Variants in DLGAP2 observed in about 807,000 individuals in gnomAD.
DLGAP2 encodes DLG associated protein 2.
Under a neutral mutation model 100.3 loss-of-function variants are expected in DLGAP2, and 26 were observed. That is an observed-to-expected ratio of 0.26 (90% confidence interval 0.19 to 0.36). The LOEUF (loss-of-function observed/expected upper bound fraction) is 0.36. Ranked by LOEUF, DLGAP2 falls within the 10% of genes least tolerant of loss-of-function variation. The pLI is 1.00. For synonymous variants in DLGAP2, 886 were observed against 630.1 expected, an observed-to-expected ratio of 1.41 and a Z score of -6.08; for missense variants, 1,858 against 1,453.2, an observed-to-expected ratio of 1.28 and a Z score of -4.53.
Position 1,554,837 on chromosome 8 carries a change from C to T in DLGAP2, c.1230+5154C>T, listed in dbSNP as rs991667971. ...CAGTTCAGGAAGGCTGGCGTTGTGG[C>T]TTATGGGGTGCTTTCAACTCCAGAA... On this transcript the variant is annotated intron_variant, in intron 5 of 14. Coordinates refer to ENST00000637795, the MANE Select transcript of DLGAP2 (RefSeq NM_001346810.2). 6.9e-5 allele frequency among the ~76,000 whole-genome samples: 10 copies of T among 144,466 alleles called. 1 individual carries two copies. Among genetic ancestry groups the T allele is most frequent in the Admixed American group, 6.2e-4 (9 of 14,622 alleles). 94.8% of individuals were successfully genotyped at this position (144,466 alleles called of 152,430 possible).
intron 2 of DLGAP2, among the ~76,000 whole-genome samples, chr8:1,242,666 A>G (rs1488631231): frequency 2.6e-5 from 4 of 152,208 alleles, no homozygotes; most frequent in Non-Finnish European, 5.9e-5. Flanking sequence ...CCTGATTAAC[A>G]TGCCCTCTCC....
chr8:1,450,351 C>T (rs1314916568), intron 3 of DLGAP2, among the ~76,000 whole-genome samples: 1 of 84,154 alleles, frequency 1.2e-5, no homozygotes. Context: ...AGGTGGGCGA[C>T]CTCGGTGGCT....
At chr8:865,627 T>G (rs186091115) in intron 1 of DLGAP2, among the ~76,000 whole-genome samples, 31 of 152,340 alleles carry the variant, frequency 2.0e-4, no homozygotes, top group Non-Finnish European at 7.3e-5. Context: ...TGGCATTTAC[T>G]GTTAGGAAAG....
chr8:922,653 G>A (rs1387077503), intron 2 of DLGAP2, among the ~76,000 whole-genome samples: 1 of 152,180 alleles, frequency 6.6e-6, no homozygotes, highest in East Asian at 1.9e-4. Flanking sequence ...ATATCTAATA[G>A]AAATAGTTTT....
chr8:993,961 G>C (rs1208453188), intron 2 of DLGAP2, among the ~76,000 whole-genome samples: 1 of 151,958 alleles, frequency 6.6e-6, no homozygotes, highest in Non-Finnish European at 1.5e-5. Flanking sequence ...TGTAATTGTG[G>C]AGTAGACTTA....
At chr8:926,214 C>T (rs1372325998) in intron 2 of DLGAP2, among the ~76,000 whole-genome samples, 1 of 152,206 alleles carries the variant, frequency 6.6e-6, no homozygotes, top group African/African-American at 2.4e-5. Context: ...ACCACTCCCT[C>T]CGTGGGCTCT....
At chr8:1,471,582 C>G (rs1798794236) in intron 3 of DLGAP2, among the ~76,000 whole-genome samples, 2 of 151,140 alleles carry the variant, frequency 1.3e-5, no homozygotes, top group Admixed American at 1.3e-4. Flanking sequence ...TCCCCAGCCT[C>G]CCTCCTAACC....
chr8:1,116,822 A>G (rs1805132537), intron 2 of DLGAP2, among the ~76,000 whole-genome samples: 1 of 152,140 alleles, frequency 6.6e-6, no homozygotes, highest in Non-Finnish European at 1.5e-5. Context: ...AAAAAAAAAG[A>G]GAATATTCAT....
chr8:781,719 A>C (rs779714001), intron 1 of DLGAP2, among the ~76,000 whole-genome samples: 4 of 152,234 alleles, frequency 2.6e-5, no homozygotes, highest in Non-Finnish European at 5.9e-5. Context: ...TTAGAGTCAC[A>C]CAAAGCACAT....
chr8:1,411,041 A>G (rs1796716621), intron 3 of DLGAP2, among the ~76,000 whole-genome samples: 1 of 152,170 alleles, frequency 6.6e-6, no homozygotes, highest in Non-Finnish European at 1.5e-5. Context: ...GTTTCAGTGC[A>G]TAAAAGGTGA....
At chr8:1,123,983 G>C (rs1173022865) in intron 2 of DLGAP2, among the ~76,000 whole-genome samples, 1 of 151,886 alleles carries the variant, frequency 6.6e-6, no homozygotes. Context: ...TCTTTTCCTT[G>C]CCTGTTTTTG....
intron 1 of DLGAP2, among the ~76,000 whole-genome samples, chr8:841,090 T>G (rs1205673173): frequency 6.6e-6 from 1 of 152,214 alleles, no homozygotes; most frequent in Non-Finnish European, 1.5e-5. Flanking sequence ...AAATTGAACT[T>G]GTTTCTATAA....
chr8:769,594 A>T (rs1821304143), intron 1 of DLGAP2, among the ~76,000 whole-genome samples: 1 of 152,184 alleles, frequency 6.6e-6, no homozygotes, highest in Admixed American at 6.5e-5. Flanking sequence ...TTATTGATTC[A>T]AAATTTTGAT....
chr8:830,357 T>A (rs902538184), intron 1 of DLGAP2, among the ~76,000 whole-genome samples: 1 of 152,212 alleles, frequency 6.6e-6, no homozygotes, highest in Admixed American at 6.5e-5. Context: ...ATTATTAAAC[T>A]ATAGTCACTC....
intron 1 of DLGAP2, among the ~76,000 whole-genome samples, chr8:757,482 G>A (rs974349041): frequency 3.9e-5 from 6 of 152,144 alleles, no homozygotes; most frequent in African/African-American, 1.4e-4. Context: ...GACACCCGTA[G>A]GCACTGGGCT....
chr8:1,496,611 C>T (rs1799553168), intron 3 of DLGAP2, among the ~76,000 whole-genome samples: 1 of 152,148 alleles, frequency 6.6e-6, no homozygotes, highest in South Asian at 2.1e-4. Context: ...TCACGGCGCC[C>T]TATGTTTGAT....
intron 2 of DLGAP2, among the ~76,000 whole-genome samples, chr8:1,227,217 ATAT>A (rs989072770): frequency 1.5e-5 from 2 of 129,938 alleles, no homozygotes; most frequent in African/African-American, 7.5e-5. Context: ...AGTGTTATAT[ATAT>A]ATTTGTTTTA....
intron 1 of DLGAP2, among the ~76,000 whole-genome samples, chr8:831,207 C>CTT (rs59545503): frequency 2.4e-5 from 3 of 127,628 alleles, no homozygotes; most frequent in Non-Finnish European, 3.3e-5. Context: ...CCAGCAGTCA[C>CTT]TTTTTTTTTT....
At chr8:1,290,263 G>A (rs930562833) in intron 3 of DLGAP2, among the ~76,000 whole-genome samples, 6 of 152,198 alleles carry the variant, frequency 3.9e-5, no homozygotes, top group Non-Finnish European at 4.4e-5. Context: ...CACGTCCGTC[G>A]CGCTCCTGAC....
Sources: gnomAD v4.1 joint callset for allele counts (sites outside exome capture counted in the v4.1 genomes callset) on GRCh38, gnomAD v4.1.1 for gene constraint, MANE v1.5 for transcripts, NCBI Gene and HGNC (gene_info 2026-07-23, HGNC 2026-07-21) for gene names.